ARHGEF15: variants seen among roughly 807,000 people sequenced by gnomAD.
The protein encoded by ARHGEF15 is Rho guanine nucleotide exchange factor 15, also known as Rho guanine nucleotide exchange factor (GEF) 15.
In ARHGEF15, 58 loss-of-function variants were observed where a neutral mutation model predicts 79.7. That is an observed-to-expected ratio of 0.73 (90% CI 0.59 to 0.91). The LOEUF (loss-of-function observed/expected upper bound fraction) is 0.91. ARHGEF15 is among the 40% of genes least tolerant of loss of function. The pLI is 0.00. For missense variants in ARHGEF15, 1,012 were observed against 1,108.1 expected (o/e 0.91, Z 1.23); for synonymous variants, 442 against 456.0 (o/e 0.97, Z 0.39).
chr17:8,319,186 AC>A (rs1385399820), intron 13 of ARHGEF15, 27 bp downstream of exon 13: 6 of 1,611,524 alleles, frequency 3.7e-6, no homozygotes, highest in Non-Finnish European at 4.2e-6. Flanking sequence ...TCAGAAAACA[AC>A]CTTGGGACAC....
rs776095860 is a variant in ARHGEF15 at position 8,315,910 on chromosome 17, G to A, written c.1574+3G>A. The stretch of plus-strand genomic sequence containing the variant: ...GAGGAGACCTACAGCCGCCTCATGT[G>A]AGTGTCCCAGGGGTGGGGAGGAAGC... On this transcript the variant is annotated splice_donor_region_variant and intron_variant, in intron 8 of 15. Transcript: ENST00000361926. This position sits in a 1 kb window ranked among gnomAD's most constrained non-coding sequence, Gnocchi z 4.3. 1 of 1,608,264 alleles carries A rather than the reference G, an allele frequency of 6.2e-7. No individual in the cohort carries two copies. Among genetic ancestry groups the A allele is most frequent in the Non-Finnish European group, 8.5e-7 (1 of 1,179,910 alleles).
At position 8,315,626 on chromosome 17, in the gene ARHGEF15, G is replaced by T. The variant is rs1285410956; in HGVS notation, c.1421+52G>T. 1.2e-6 allele frequency: 2 copies of T among 1,600,414 alleles called. No individual in the cohort carries two copies. The highest frequency in any genetic ancestry group is 8.5e-7 in the Non-Finnish European group (1 of 1,176,876). On this transcript the variant is annotated intron_variant, in intron 7 of 15. Coordinates refer to ENST00000361926, the MANE Select transcript of ARHGEF15 (RefSeq NM_173728.4). The surrounding 1 kb of genome is among the most constrained non-coding windows in gnomAD (Gnocchi z 4.3). ...AACCTGCCCTTAGGCTGCTGGGCAC[G>T]CCCTTTCCTCTCTCCCGGGCCCAGG...
In ARHGEF15 at chr17:8,314,960, G is replaced by T; in HGVS notation, c.1044G>T (p.Gln348His). Reference sequence around the variant, plus strand: ...AGCAGAATTGGGAGCTGCCCCTGCAGGATGGTGAGGGCCTCTGGACCTGAG... The same window carrying T: ...AGCAGAATTGGGAGCTGCCCCTGCATGATGGTGAGGGCCTCTGGACCTGAG... ...LKEQNWELPL[Q>H]DEPLYQTYRA... is the part of the protein sequence containing the mutation. The change falls in exon 5 of 16, where the codon CAG becomes CAT. Residue 348 changes from glutamine to histidine, a missense_variant. By Grantham distance (24) the Gln-to-His change is conservative (BLOSUM62 0). Coordinates refer to ENST00000361926, the MANE Select transcript of ARHGEF15 (RefSeq NM_173728.4). 6.2e-7 allele frequency: 1 copy of T among 1,614,078 alleles called. No individual in the cohort carries two copies.
At chr17:8,314,442 G>A (rs1214910130) in intron 4 of ARHGEF15, among the ~76,000 whole-genome samples, 7 of 152,074 alleles carry the variant, frequency 4.6e-5, no homozygotes, top group Non-Finnish European at 7.4e-5. Context: ...AGAGTTTGCA[G>A]TCCATCACGT....
In ARHGEF15 at chr17:8,312,397, C is replaced by G; in HGVS notation, c.358C>G (p.Pro120Ala). 6.2e-7 allele frequency: 1 copy of G among 1,612,350 alleles called. No homozygotes were observed. The highest frequency in any genetic ancestry group is 1.1e-5 in the South Asian group (1 of 90,848). The change falls in exon 2 of 16, where the codon CCA (proline) becomes GCA (alanine). Residue 120 changes from proline (P) to alanine (A), a missense_variant. Coordinates refer to ENST00000361926, the MANE Select transcript of ARHGEF15 (RefSeq NM_173728.4). ...PEPAPRSPVP[P>A]PKPSGSPCTP... ...ACCTGCTCCCCGGTCTCCAGTCCCC[C>G]CACCCAAGCCGTCTGGGTCACCCTG...
At chr17:8,319,242 T>G in intron 13 of ARHGEF15, 70 bp from the exon 14 acceptor site, 1 of 1,606,590 alleles carries the variant, frequency 6.2e-7, no homozygotes, top group East Asian at 2.2e-5. Flanking sequence ...GTCTCTCTCT[T>G]CTGTGGCTCC....
At chr17:8,316,697 G>A (rs978337763) in intron 9 of ARHGEF15, among the ~76,000 whole-genome samples, 8 of 152,198 alleles carry the variant, frequency 5.3e-5, no homozygotes, top group African/African-American at 1.9e-4. Flanking sequence ...AGATGTTTAG[G>A]GAAAATTATC....
chr17:8,318,817 G>A lies in ARHGEF15; in HGVS notation c.1940G>A (p.Arg647Gln), dbSNP rs777849960. The change falls in exon 12 of 16, where the codon CGG becomes CAG. Residue 647 changes from arginine to glutamine, a missense_variant. Transcript: ENST00000361926. The surrounding 1 kb of genome is among the most constrained non-coding windows in gnomAD (Gnocchi z 5.0). The stretch of plus-strand genomic sequence containing the variant: ...GGAGAGCTGACTGAGTTAGGGTGCC[G>A]GAGGGGGGGCGTGCTCTTTGCCTCG... ...FQGELTELGC[R>Q]RGGVLFASRP... 42 of 1,613,532 alleles carry A rather than the reference G, an allele frequency of 2.6e-5. No homozygotes were observed. The highest frequency in any genetic ancestry group is 1.2e-4 in the Admixed American group (7 of 59,994).
At chr17:8,316,682 G>A (rs1031493642) in intron 9 of ARHGEF15, among the ~76,000 whole-genome samples, 6 of 152,230 alleles carry the variant, frequency 3.9e-5, no homozygotes, top group African/African-American at 1.4e-4. Flanking sequence ...CTTTCATGGT[G>A]AGGGAGATGT....
Position 8,314,977 on chromosome 17 carries a change from G to C in ARHGEF15, c.1048+13G>C, listed in dbSNP as rs1200943673. 1 of 1,614,018 alleles carries C rather than the reference G, an allele frequency of 6.2e-7. No individual in the cohort carries two copies. Among genetic ancestry groups the C allele is most frequent in the Non-Finnish European group, 8.5e-7 (1 of 1,179,962 alleles). ...CCCCTGCAGGATGGTGAGGGCCTCT[G>C]GACCTGAGGGTCCCTGCTGTGACCA... On this transcript the variant is annotated intron_variant, in intron 5 of 15. Transcript: ENST00000361926.
At position 8,321,069 on chromosome 17, in the gene ARHGEF15, T is replaced by C. The variant is rs1905359586; in HGVS notation, c.*76T>C. On this transcript the variant is annotated 3_prime_UTR_variant, in exon 16 of 16. Transcript: ENST00000361926. ...GGAGAGAACAAAGCCCATTCATCCA[T>C]TGGATTCACTGTCAGTGGAGATACT... 2.5e-6 allele frequency: 4 copies of C among 1,572,920 alleles called. No individual in the cohort carries two copies. The South Asian group carries it at 3.4e-5, about 13-fold the overall frequency.
Position 8,312,960 on chromosome 17 carries a change from T to C in ARHGEF15, c.640T>C (p.Cys214Arg), listed in dbSNP as rs774179430. The C allele has an allele frequency of 6.3e-7, 1 of 1,592,836 alleles. No homozygotes were observed. The change falls in exon 3 of 16, where the codon TGC (cysteine) becomes CGC (arginine). Residue 214 changes from cysteine to arginine, a missense_variant. Coordinates refer to ENST00000361926, the MANE Select transcript of ARHGEF15 (RefSeq NM_173728.4). ...LACPPCCPCV[C>R]HTTRPGLELR... ...CTGCCCTCCCTGCTGCCCCTGTGTC[T>C]GCCACACCACCCGGCCTGGCCTGGA... is the stretch of plus-strand genomic sequence containing the variant.
Position 8,316,075 on chromosome 17 carries a change from G to A in ARHGEF15, c.1631G>A (p.Cys544Tyr), listed in dbSNP as rs1248812003. The A allele has an allele frequency of 6.2e-7, 1 of 1,603,792 alleles. No homozygotes were observed. Among genetic ancestry groups the A allele is most frequent in the East Asian group, 2.2e-5 (1 of 44,816 alleles). Residue 544 changes from cysteine to tyrosine, a missense_variant, in exon 9 of 16, where the codon TGT becomes TAT. Transcript: ENST00000361926. ...CGCCGGCTGCAGAGCCTCCCTAAGT[G>A]TGAGCGGCTCCCGCTGCCGTCCTTC... is the stretch of plus-strand genomic sequence containing the variant. ...ELRRLQSLPK[C>Y]ERLPLPSFLL...
Position 8,313,274 on chromosome 17 carries a change from G to A in ARHGEF15, c.934+20G>A. On this transcript the variant is annotated intron_variant, in intron 3 of 15. Coordinates refer to ENST00000361926, the MANE Select transcript of ARHGEF15 (RefSeq NM_173728.4). ...AAACAGGTGCAGGGCCTGGGGGAGT[G>A]GACCTCTGGGCTGTGAGGGGACAGG... 6.3e-7 allele frequency: 1 copy of A among 1,599,070 alleles called. No homozygotes were observed. The highest frequency in any genetic ancestry group is 1.7e-5 in the Admixed American group (1 of 59,750).
Position 8,315,289 on chromosome 17 carries a change from A to T in ARHGEF15, c.1260+12A>T. The T allele has an allele frequency of 6.2e-7, 1 of 1,611,012 alleles. No individual in the cohort carries two copies. Among genetic ancestry groups the T allele is most frequent in the Non-Finnish European group, 8.5e-7 (1 of 1,178,878 alleles). ...GGCGCATGCAGGAGGTGGGAGCTGG[A>T]GGTGGGAGATGGGAGGGGGGTGCTG... On this transcript the variant is annotated intron_variant, in intron 6 of 15. Transcript: ENST00000361926. This position sits in a 1 kb window ranked among gnomAD's most constrained non-coding sequence, Gnocchi z 4.3.
intron 5 of ARHGEF15, 28 bp downstream of exon 5, chr17:8,314,992 T>A: frequency 1.2e-6 from 2 of 1,613,666 alleles, no homozygotes; most frequent in African/African-American, 2.7e-5. Context: ...TGAGGGTCCC[T>A]GCTGTGACCA....
rs147150644 is a variant in ARHGEF15 at position 8,319,558 on chromosome 17, C to A, written c.2329C>A (p.Leu777Met). Residue 777 changes from leucine (L) to methionine (M), a missense_variant, in exon 15 of 16, where the codon CTG becomes ATG. Physicochemically the swap from Leu to Met is conservative, Grantham distance 15. Around this residue, in one of 3 missense-constraint regions of ARHGEF15, gnomAD observed 132 missense variants for 124.2 expected, o/e 1.06. Coordinates refer to ENST00000361926, the MANE Select transcript of ARHGEF15 (RefSeq NM_173728.4). ...SAPAKTEGRS[L>M]ESRAAPKHLH... is the part of the protein sequence containing the mutation. ...ACCTGCCAAGACTGAAGGACGGAGTCTGGAGTCCAGGGCTGCCCCCAAACA... is the reference window on the plus strand; with the variant it reads ...ACCTGCCAAGACTGAAGGACGGAGTATGGAGTCCAGGGCTGCCCCCAAACA... The A allele has an allele frequency of 3.1e-6, 5 of 1,611,252 alleles. No individual in the cohort carries two copies. Among genetic ancestry groups the A allele is most frequent in the Non-Finnish European group, 4.2e-6 (5 of 1,179,122 alleles).
Position 8,312,480 on chromosome 17 carries a change from T to C in ARHGEF15, c.441T>C (p.Pro147=), listed in dbSNP as rs1597460760. Residue 147 remains proline, a synonymous_variant, in exon 2 of 16, where the codon CCT becomes CCC. Coordinates refer to ENST00000361926, the MANE Select transcript of ARHGEF15 (RefSeq NM_173728.4). ...VLAQNGSASA[P]GTVRRLAGRF... is the part of the protein sequence containing the mutation. The stretch of plus-strand genomic sequence containing the variant: ...CTCAGAATGGCTCTGCCTCAGCTCC[T>C]GGCACTGTGCGGAGGCTGGCTGGCA... 6.2e-7 allele frequency: 1 copy of C among 1,613,678 alleles called. No individual in the cohort carries two copies. The highest frequency in any genetic ancestry group is 8.5e-7 in the Non-Finnish European group (1 of 1,179,892).
chr17:8,310,771 G>C (rs750472472), intron 1 of ARHGEF15: 49 of 152,560 alleles, frequency 3.2e-4, no homozygotes, highest in Non-Finnish European at 6.7e-4. Context: ...TTCGTGAGGG[G>C]GGGGTGTCCG....
Sources: allele counts gnomAD v4.1 joint callset (sites outside exome capture counted in the v4.1 genomes callset), GRCh38; gene constraint gnomAD v4.1.1; regional missense constraint gnomAD v4.1.1; non-coding constraint Gnocchi (gnomAD v3.1); transcripts MANE v1.5; gene names NCBI Gene and HGNC (gene_info 2026-07-23, HGNC 2026-07-21).